KLHDC10: variants seen among roughly 807,000 people sequenced by gnomAD.
The protein encoded by KLHDC10 is kelch domain-containing protein 10.
A neutral mutation model predicts 56.1 loss-of-function variants in KLHDC10; 24 were observed. The observed-to-expected ratio is 0.43, with a 90% CI of 0.31 to 0.60. The LOEUF (loss-of-function observed/expected upper bound fraction) is 0.60, where lower values mean the gene tolerates loss of function less well. Ranked by LOEUF, KLHDC10 falls within the 20% of genes least tolerant of loss-of-function variation. KLHDC10 has a pLI of 0.11. For synonymous variants in KLHDC10, 188 were observed against 207.1 expected (o/e 0.91, Z 0.79); for missense variants, 349 against 567.0 (o/e 0.62, Z 3.91).
At chr7:130,080,931 C>T (rs1699090144) in intron 1 of KLHDC10, among the ~76,000 whole-genome samples, 1 of 151,682 alleles carries the variant, frequency 6.6e-6, no homozygotes, top group Non-Finnish European at 1.5e-5. Flanking sequence ...TGTTTATAAC[C>T]GGCTCTTGGA....
Position 130,135,679 on chromosome 7 carries a change from C to A in KLHDC10, c.*4933C>A, listed in dbSNP as rs1321415089. On this transcript the variant is annotated 3_prime_UTR_variant, in exon 10 of 10. Transcript: ENST00000335420. ...TTTGCTGTTGGTTTTCTAAAACAAT[C>A]TGATCAATAAATCTTATCCAAATCA... 3 of 154,324 alleles carry A rather than the reference C, an allele frequency of 1.9e-5. No individual in the cohort carries two copies. Among genetic ancestry groups the A allele is most frequent in the Non-Finnish European group, 4.4e-5 (3 of 68,214 alleles). The allele number at this position is 154,324 out of a possible 1,614,324, so 9.6% of individuals were successfully genotyped here. A position where few individuals can be genotyped will look rare whatever the true frequency, so the allele number is the denominator to read the frequency against.
Position 130,096,943 on chromosome 7 carries a change from C to A in KLHDC10, c.189C>A (p.Asp63Glu). 1 of 1,610,740 alleles carries A rather than the reference C, an allele frequency of 6.2e-7. No homozygotes were observed. Among genetic ancestry groups the A allele is most frequent in the Non-Finnish European group, 8.5e-7 (1 of 1,177,758 alleles). The change falls in exon 2 of 10, where the codon GAC becomes GAA. Residue 63 changes from aspartate to glutamate, a missense_variant. Asp to Glu is a conservative substitution (Grantham distance 45, BLOSUM62 2). Around this residue, in one of 2 missense-constraint regions of KLHDC10, gnomAD observed 104 missense variants for 97.0 expected, o/e 1.07. Coordinates refer to ENST00000335420, the MANE Select transcript of KLHDC10 (RefSeq NM_014997.4). ...CAGGTAAGAAGAAAATACGATGGGA[C>A]CCAGTTAGGAGGCGCTTCATTCAGT... ...HLPGKKKIRW[D>E]PVRRRFIQSC...
intron 2 of KLHDC10, among the ~76,000 whole-genome samples, chr7:130,107,843 CAAAAAAAAA>C (rs3043725): frequency 3.8e-5 from 1 of 26,036 alleles, no homozygotes; most frequent in Non-Finnish European, 5.7e-5. Flanking sequence ...GACTCCGTCT[CAAAAAAAAA>C]AAAAAAAAAA....
At chr7:130,089,702 C>T (rs1157407415) in intron 1 of KLHDC10, among the ~76,000 whole-genome samples, 1 of 152,138 alleles carries the variant, frequency 6.6e-6, no homozygotes, top group Non-Finnish European at 1.5e-5. Context: ...GACACTTTGC[C>T]TGGAGCTCTT....
intron 2 of KLHDC10, among the ~76,000 whole-genome samples, chr7:130,114,909 G>A (rs1344898312): frequency 1.3e-5 from 2 of 151,996 alleles, no homozygotes; most frequent in Non-Finnish European, 2.9e-5. Context: ...AGTAGGACAA[G>A]GTTAGTAGGA....
chr7:130,094,701 TAATA>T (rs1335798152), intron 1 of KLHDC10, among the ~76,000 whole-genome samples: 6 of 152,304 alleles, frequency 3.9e-5, no homozygotes, highest in East Asian at 3.9e-4. Context: ...TTTGTCATGT[TAATA>T]AATAGTTTTG....
chr7:130,128,889 A>AAAAAAAAAAAAAAAT, intron 8 of KLHDC10, among the ~76,000 whole-genome samples: 4 of 66,954 alleles, frequency 6.0e-5, no homozygotes, highest in Non-Finnish European at 1.1e-4. Context: ...AAAAAAAAAA[A>AAAAAAAAAAAAAAAT]ATATATATAT....
chr7:130,109,214 T>C (rs946620075), intron 2 of KLHDC10, among the ~76,000 whole-genome samples: 1 of 7,050 alleles, frequency 1.4e-4, no homozygotes, highest in Non-Finnish European at 4.2e-4. Flanking sequence ...GCAGGTCTCT[T>C]TTTTTTTTTT....
chr7:130,130,662 G>C lies in KLHDC10; in HGVS notation c.1245G>C (p.Ala415=). 6.2e-7 allele frequency: 1 copy of C among 1,614,068 alleles called. No homozygotes were observed. The highest frequency in any genetic ancestry group is 8.5e-7 in the Non-Finnish European group (1 of 1,180,020). ...LLELAWEKLL[A]AFPNLANLSR... The stretch of plus-strand genomic sequence containing the variant: ...AACTGGCATGGGAGAAGCTGCTTGC[G>C]GCCTTCCCTAACCTTGCAAACCTCT... The change falls in exon 10 of 10, where the codon GCG becomes GCC. Residue 415 remains alanine (A), a synonymous_variant. Transcript: ENST00000335420. The surrounding 1 kb of genome is among the most constrained non-coding windows in gnomAD (Gnocchi z 4.2).
intron 8 of KLHDC10, 75 bp downstream of exon 8, chr7:130,127,526 G>A: frequency 9.3e-7 from 1 of 1,071,040 alleles, no homozygotes; most frequent in Non-Finnish European, 1.4e-6. Context: ...TCCTAAGATA[G>A]CCCCCTCAAA....
At chr7:130,114,874 G>A (rs1796146281) in intron 2 of KLHDC10, among the ~76,000 whole-genome samples, 1 of 151,954 alleles carries the variant, frequency 6.6e-6, no homozygotes. Context: ...GGATTTCCAA[G>A]CAGAGAGAAG....
At chr7:130,084,307 A>G (rs140313973) in intron 1 of KLHDC10, among the ~76,000 whole-genome samples, 1 of 152,340 alleles carries the variant, frequency 6.6e-6, no homozygotes, top group East Asian at 1.9e-4. Flanking sequence ...ACACGGTAAC[A>G]CAGATGCATG....
Position 130,131,295 on chromosome 7 carries a change from G to T in KLHDC10, c.*549G>T. The T allele has an allele frequency of 6.5e-6, 1 of 154,520 alleles. No homozygotes were observed. The highest frequency in any genetic ancestry group is 6.3e-5 in the Admixed American group (1 of 15,828). 9.6% of individuals were successfully genotyped at this position (154,520 alleles called of 1,614,324 possible). On this transcript the variant is annotated 3_prime_UTR_variant, in exon 10 of 10. Coordinates refer to ENST00000335420, the MANE Select transcript of KLHDC10 (RefSeq NM_014997.4). The stretch of plus-strand genomic sequence containing the variant: ...TAACTGAGTAGTAGCTGGGTCTGAT[G>T]GCAGCAGTGCTTGCCATCTTGTTGC...
chr7:130,086,254 C>T (rs576740359), intron 1 of KLHDC10, among the ~76,000 whole-genome samples: 194 of 152,212 alleles, frequency 1.3e-3, no homozygotes, highest in African/African-American at 4.4e-3. Context: ...TATCATTAGA[C>T]TTTTACCAGT....
chr7:130,126,566 C>T (rs1335473700), intron 7 of KLHDC10, among the ~76,000 whole-genome samples: 1 of 151,922 alleles, frequency 6.6e-6, no homozygotes, highest in Non-Finnish European at 1.5e-5. Flanking sequence ...ATCCCAGCTA[C>T]TTGGGAGGCT....
At chr7:130,096,248 A>G (rs960844289) in intron 1 of KLHDC10, among the ~76,000 whole-genome samples, 1 of 152,178 alleles carries the variant, frequency 6.6e-6, no homozygotes, top group Non-Finnish European at 1.5e-5. Context: ...ATTACCCCAT[A>G]ATAGTTCCAT....
At chr7:130,127,381 T>C in intron 7 of KLHDC10, 23 bp from the exon 8 acceptor site, 1 of 1,608,396 alleles carries the variant, frequency 6.2e-7, no homozygotes, top group Non-Finnish European at 8.5e-7. Context: ...GTAATGGAAC[T>C]TCTGTGTTTG....
intron 2 of KLHDC10, among the ~76,000 whole-genome samples, chr7:130,106,055 A>G (rs1350919319): frequency 2.0e-5 from 3 of 152,098 alleles, no homozygotes; most frequent in African/African-American, 4.8e-5. Flanking sequence ...AGACTGAGAC[A>G]GGAGAATCGC....
intron 2 of KLHDC10, among the ~76,000 whole-genome samples, chr7:130,103,635 A>G (rs1022993471): frequency 1.3e-5 from 2 of 152,182 alleles, no homozygotes; most frequent in Non-Finnish European, 1.5e-5. Context: ...ATGGTTTGCT[A>G]CAAGATAAAT....
Sources: gnomAD v4.1 joint callset for allele counts (sites outside exome capture counted in the v4.1 genomes callset) on GRCh38, gnomAD v4.1.1 for gene constraint, gnomAD v4.1.1 regional missense constraint, Gnocchi (gnomAD v3.1) non-coding constraint, MANE v1.5 for transcripts, NCBI Gene and HGNC (gene_info 2026-07-23, HGNC 2026-07-21) for gene names.